Variants in PATJ observed in about 807,000 individuals in gnomAD.
PATJ encodes the protein inaD-like protein.
A neutral mutation model predicts 224.9 loss-of-function variants in PATJ; 190 were observed. That is an observed-to-expected ratio of 0.84 (90% CI 0.75 to 0.95). The LOEUF is 0.95. Ranked by LOEUF, PATJ falls within the 40% of genes least tolerant of loss-of-function variation. The pLI is 0.00. For synonymous variants in PATJ, 769 were observed against 820.3 expected (o/e 0.94, Z 1.07); for missense variants, 2,121 against 2,270.3 (o/e 0.93, Z 1.34).
At chr1:61,768,587 T>G (rs554447495) in intron 4 of PATJ, among the ~76,000 whole-genome samples, 1 of 152,250 alleles carries the variant, frequency 6.6e-6, no homozygotes, top group African/African-American at 2.4e-5. Context: ...TTTTGATATA[T>G]CTATTTTCCT....
chr1:62,019,819 T>C (rs1646976112), intron 29 of PATJ, among the ~76,000 whole-genome samples: 1 of 152,038 alleles, frequency 6.6e-6, no homozygotes, highest in African/African-American at 2.4e-5. Flanking sequence ...ATTAAGATGT[T>C]GTTCATTAAG....
intron 31 of PATJ, among the ~76,000 whole-genome samples, chr1:62,054,632 C>G (rs1570356934): frequency 6.6e-6 from 1 of 152,176 alleles, no homozygotes; most frequent in East Asian, 1.9e-4. Flanking sequence ...TGTCTGGTAT[C>G]TATTTCAGAA....
At chr1:62,004,632 A>G (rs1303535674) in intron 28 of PATJ, among the ~76,000 whole-genome samples, 2 of 152,202 alleles carry the variant, frequency 1.3e-5, no homozygotes, top group Non-Finnish European at 1.5e-5. Flanking sequence ...TTCTCCATCT[A>G]TATAATGACG....
chr1:61,970,535 C>A (rs1682822816), intron 27 of PATJ, among the ~76,000 whole-genome samples: 1 of 152,136 alleles, frequency 6.6e-6, no homozygotes, highest in African/African-American at 2.4e-5. Context: ...CTATTCTTCC[C>A]AGGCTGGAGT....
chr1:61,811,988 G>A lies in PATJ; in HGVS notation c.1683+3458G>A, dbSNP rs1055182080. Among the ~76,000 whole-genome samples the A allele has an allele frequency of 3.8e-4, 58 of 151,570 alleles. 1 individual carries two copies. Among genetic ancestry groups the A allele is most frequent in the African/African-American group, 1.3e-3 (55 of 41,210 alleles). Reference sequence around the variant, plus strand: ...GGGCAAGAGAATGGCGTGAACCCGGGAGGCGGAGCTTGCAGTGAGCCGAGA... The same window carrying A: ...GGGCAAGAGAATGGCGTGAACCCGGAAGGCGGAGCTTGCAGTGAGCCGAGA... On this transcript the variant is annotated intron_variant, in intron 14 of 43. Coordinates refer to ENST00000642238, the MANE Select transcript of PATJ (RefSeq NM_001350145.3).
chr1:61,867,036 G>A (rs1182671143), intron 20 of PATJ, among the ~76,000 whole-genome samples: 2 of 152,148 alleles, frequency 1.3e-5, no homozygotes, highest in African/African-American at 4.8e-5. Flanking sequence ...CTTGGTTTTG[G>A]TGGGTTTTGG....
chr1:61,834,323 A>G (rs1405153058), intron 17 of PATJ, among the ~76,000 whole-genome samples: 2 of 152,236 alleles, frequency 1.3e-5, no homozygotes, highest in Non-Finnish European at 2.9e-5. Flanking sequence ...TTAAATAAAT[A>G]GAAGTGTTCT....
intron 33 of PATJ, among the ~76,000 whole-genome samples, chr1:62,098,333 T>G (rs1424559428): frequency 1.4e-5 from 2 of 140,774 alleles, no homozygotes; most frequent in South Asian, 2.3e-4. Flanking sequence ...CACTCCAGCC[T>G]GGGTGACAGA....
intron 22 of PATJ, among the ~76,000 whole-genome samples, chr1:61,894,471 C>T (rs761597966): frequency 6.6e-5 from 10 of 152,040 alleles, no homozygotes; most frequent in Non-Finnish European, 1.2e-4. Context: ...GCGGTTTCCC[C>T]ATGCTGTTCT....
chr1:61,927,841 T>C lies in PATJ; in HGVS notation c.3670+12T>C. On this transcript the variant is annotated intron_variant, in intron 27 of 43. Coordinates refer to ENST00000642238, the MANE Select transcript of PATJ (RefSeq NM_001350145.3). ...TGCCTTTACCGACCGTGAGTGCCTT[T>C]TCACTATTTAGGGTAGATGCAGAAC... is the stretch of plus-strand genomic sequence containing the variant. 1.3e-6 allele frequency: 2 copies of C among 1,571,992 alleles called. No individual in the cohort carries two copies. Among genetic ancestry groups the C allele is most frequent in the Non-Finnish European group, 1.7e-6 (2 of 1,143,794 alleles).
At chr1:62,103,658 G>A (rs1467040068) in intron 33 of PATJ, among the ~76,000 whole-genome samples, 1 of 151,900 alleles carries the variant, frequency 6.6e-6, no homozygotes, top group Non-Finnish European at 1.5e-5. Context: ...GGAGAACAAG[G>A]CAGAAGAATC....
In PATJ at chr1:61,769,405, A is replaced by G; in HGVS notation, c.507A>G (p.Pro169=). The change falls in exon 5 of 44, where the codon CCA becomes CCG. Residue 169 remains proline, a synonymous_variant. Transcript: ENST00000642238. The stretch of plus-strand genomic sequence containing the variant: ...ATATCTTCGTGAAGGATGTCCAGCC[A>G]GGGAGTGTAGCAGACAGGTGAGGAA... ...KVDIFVKDVQ[P]GSVADRDQRL... The G allele has an allele frequency of 1.9e-6, 3 of 1,614,162 alleles. No individual in the cohort carries two copies. The highest frequency in any genetic ancestry group is 2.5e-6 in the Non-Finnish European group (3 of 1,180,012).
chr1:61,933,031 C>T (rs1676261760), intron 27 of PATJ, among the ~76,000 whole-genome samples: 2 of 152,188 alleles, frequency 1.3e-5, no homozygotes, highest in Admixed American at 1.3e-4. Flanking sequence ...CATAGTTGCA[C>T]ATATTTTATG....
chr1:62,116,008 A>T (rs771614915), intron 35 of PATJ, among the ~76,000 whole-genome samples: 10 of 152,140 alleles, frequency 6.6e-5, no homozygotes, highest in Non-Finnish European at 1.5e-4. Context: ...CCAGTGTTGA[A>T]GTTTGCTTTC....
intron 24 of PATJ, among the ~76,000 whole-genome samples, chr1:61,903,964 G>A (rs967344690): frequency 6.6e-6 from 1 of 151,974 alleles, no homozygotes; most frequent in Admixed American, 6.6e-5. Flanking sequence ...GGTGGAGACA[G>A]GGTTTTGCCA....
chr1:62,021,492 A>C (rs1647078750), intron 29 of PATJ, among the ~76,000 whole-genome samples: 1 of 152,134 alleles, frequency 6.6e-6, no homozygotes, highest in Admixed American at 6.6e-5. Flanking sequence ...TTATTGAATA[A>C]ATTTCCTTTT....
At chr1:62,013,046 A>T (rs74555777) in intron 28 of PATJ, among the ~76,000 whole-genome samples, 1 of 152,262 alleles carries the variant, frequency 6.6e-6, no homozygotes, top group Non-Finnish European at 1.5e-5. Context: ...ACTGGAAAAA[A>T]CATCAACAGC....
intron 6 of PATJ, among the ~76,000 whole-genome samples, chr1:61,773,886 C>T (rs1646762872): frequency 6.6e-6 from 1 of 151,694 alleles, no homozygotes; most frequent in South Asian, 2.1e-4. Flanking sequence ...TTTGGGAGGC[C>T]AAGGCAGGCG....
At chr1:61,880,936 A>G (rs1358723999) in intron 21 of PATJ, among the ~76,000 whole-genome samples, 2 of 152,168 alleles carry the variant, frequency 1.3e-5, no homozygotes, top group African/African-American at 4.8e-5. Context: ...TCTACTAAAA[A>G]TACAAAAATT....
Sources: allele counts gnomAD v4.1 joint callset (sites outside exome capture counted in the v4.1 genomes callset), GRCh38; gene constraint gnomAD v4.1.1; transcripts MANE v1.5; gene names NCBI Gene and HGNC (gene_info 2026-07-23, HGNC 2026-07-21).